Variants in NUBPL observed in about 807,000 individuals in gnomAD.
The protein encoded by NUBPL is iron-sulfur cluster transfer protein NUBPL.
NUBPL carries 31 observed loss-of-function variants against 45.7 expected under a neutral mutation model. That is an observed-to-expected ratio of 0.68 (90% CI 0.51 to 0.92). The LOEUF is 0.92. Ranked by LOEUF, NUBPL falls within the 40% of genes least tolerant of loss-of-function variation. The probability of loss-of-function intolerance (pLI) is 0.00; values close to 1 mark genes in which losing one functional copy is unlikely to be tolerated. For missense variants in NUBPL, 401 were observed against 398.7 expected (o/e 1.01, Z -0.05); for synonymous variants, 144 against 140.9 (o/e 1.02, Z -0.15).
chr14:31,639,569 T>C (rs1190546118), intron 4 of NUBPL, among the ~76,000 whole-genome samples: 8 of 152,188 alleles, frequency 5.3e-5, no homozygotes, highest in Non-Finnish European at 1.5e-5. Context: ...TGCCCGTTCT[T>C]AGATCTCCAG....
intron 8 of NUBPL, among the ~76,000 whole-genome samples, chr14:31,843,101 T>C (rs752403595): frequency 1.6e-4 from 24 of 152,210 alleles, no homozygotes; most frequent in Non-Finnish European, 2.6e-4. Context: ...CATCGTTCTC[T>C]GTATTGTTCA....
At chr14:31,792,213 T>G (rs2039395283) in intron 7 of NUBPL, among the ~76,000 whole-genome samples, 1 of 152,204 alleles carries the variant, frequency 6.6e-6, no homozygotes, top group African/African-American at 2.4e-5. Flanking sequence ...GTTGAAATTA[T>G]TCTAATCTAG....
intron 4 of NUBPL, among the ~76,000 whole-genome samples, chr14:31,608,803 G>A (rs1595362793): frequency 6.6e-6 from 1 of 152,298 alleles, no homozygotes; most frequent in African/African-American, 2.4e-5. Context: ...CTCACCTCCT[G>A]CTGTGTGGCC....
At chr14:31,619,660 G>T (rs929173765) in intron 4 of NUBPL, among the ~76,000 whole-genome samples, 2 of 152,188 alleles carry the variant, frequency 1.3e-5, no homozygotes, top group African/African-American at 4.8e-5. Flanking sequence ...TCCGCTGTTA[G>T]TCTGATTGGC....
chr14:31,632,276 C>A (rs1175645579), intron 4 of NUBPL, among the ~76,000 whole-genome samples: 1 of 152,076 alleles, frequency 6.6e-6, no homozygotes, highest in African/African-American at 2.4e-5. Flanking sequence ...GTATCCAAAT[C>A]TGAGAGAGAG....
chr14:31,798,302 G>GTT (rs1566566926), intron 7 of NUBPL, among the ~76,000 whole-genome samples: 6 of 98,730 alleles, frequency 6.1e-5, no homozygotes, highest in African/African-American at 1.1e-4. Flanking sequence ...ATTTATTTAT[G>GTT]GTTTTTTTTT....
chr14:31,839,814 A>G (rs2040339979), intron 8 of NUBPL, among the ~76,000 whole-genome samples: 1 of 152,230 alleles, frequency 6.6e-6, no homozygotes, highest in Non-Finnish European at 1.5e-5. Flanking sequence ...GAGAAGACAT[A>G]CAAATGGCCA....
At chr14:31,743,276 T>A (rs1201336215) in intron 6 of NUBPL, among the ~76,000 whole-genome samples, 1 of 152,228 alleles carries the variant, frequency 6.6e-6, no homozygotes, top group South Asian at 2.1e-4. Context: ...TCTCCATTTC[T>A]TTAGCTAGGT....
At chr14:31,760,144 T>TGTGTGTGTGTGAGTGTGAGA in intron 6 of NUBPL, among the ~76,000 whole-genome samples, 1 of 34,830 alleles carries the variant, frequency 2.9e-5, no homozygotes, top group Non-Finnish European at 5.4e-5. Context: ...TGTGTGTGTG[T>TGTGTGTGTGTGAGTGTGAGA]GAGAGAGAGA....
At chr14:31,682,176 T>G (rs1384004206) in intron 6 of NUBPL, among the ~76,000 whole-genome samples, 1 of 152,138 alleles carries the variant, frequency 6.6e-6, no homozygotes, top group Non-Finnish European at 1.5e-5. Context: ...TCTATTTCAA[T>G]TTTTACTTAA....
chr14:31,669,809 G>GTTTTTTTTTTTTTTTTTTT (rs35705230), intron 4 of NUBPL, among the ~76,000 whole-genome samples: 3 of 51,556 alleles, frequency 5.8e-5, no homozygotes, highest in Non-Finnish European at 6.3e-5. Flanking sequence ...TTTTTTTTTT[G>GTTTTTTTTTTTTTTTTTTT]TTTTTTTTTT....
chr14:31,821,860 A>G (rs1490527600), intron 7 of NUBPL, among the ~76,000 whole-genome samples: 1 of 152,262 alleles, frequency 6.6e-6, no homozygotes, highest in Non-Finnish European at 1.5e-5. Context: ...AGCTTTGAAA[A>G]GAATGAGATC....
chr14:31,742,585 G>C (rs1392990232), intron 6 of NUBPL, among the ~76,000 whole-genome samples: 2 of 152,078 alleles, frequency 1.3e-5, no homozygotes, highest in African/African-American at 4.8e-5. Context: ...ATTGACCTGT[G>C]CCATAATCCT....
rs2034603157 is a variant in NUBPL at position 31,606,499 on chromosome 14, G to A, written c.382+7120G>A. On this transcript the variant is annotated intron_variant, in intron 4 of 10. Coordinates refer to ENST00000281081, the MANE Select transcript of NUBPL (RefSeq NM_025152.3). The stretch of plus-strand genomic sequence containing the variant: ...TTCCTTCCAGAGAAGAGATCTAGGG[G>A]TGTTGCTGAAGGTGTTAACATGCAA... Among the ~76,000 whole-genome samples, 2 of 152,140 alleles carry A rather than the reference G, an allele frequency of 1.3e-5. 1 individual carries two copies. Among genetic ancestry groups the A allele is most frequent in the Admixed American group, 1.3e-4 (2 of 15,280 alleles).
intron 7 of NUBPL, among the ~76,000 whole-genome samples, chr14:31,810,566 T>C (rs1378565238): frequency 6.6e-6 from 1 of 152,200 alleles, no homozygotes; most frequent in African/African-American, 2.4e-5. Context: ...CTTGACTCTT[T>C]GTCCAGTTTG....
chr14:31,831,616 G>A (rs878887784), intron 8 of NUBPL, among the ~76,000 whole-genome samples: 2 of 152,062 alleles, frequency 1.3e-5, no homozygotes, highest in African/African-American at 4.8e-5. Context: ...GAGTGGAGTA[G>A]GATTTTCATA....
At chr14:31,572,839 A>G (rs758325426) in intron 3 of NUBPL, among the ~76,000 whole-genome samples, 1 of 152,158 alleles carries the variant, frequency 6.6e-6, no homozygotes, top group South Asian at 2.1e-4. Flanking sequence ...GGTATAACCT[A>G]TTTGTCCTAG....
At chr14:31,648,895 G>A (rs146629785) in intron 4 of NUBPL, among the ~76,000 whole-genome samples, 7,168 of 152,248 alleles carry the variant, frequency 0.047, 211 homozygotes, top group Admixed American at 0.066. Flanking sequence ...TGCAACCTCC[G>A]CCTCCCGGGT....
chr14:31,710,201 G>T (rs1287963124), intron 6 of NUBPL, among the ~76,000 whole-genome samples: 6 of 152,116 alleles, frequency 3.9e-5, no homozygotes, highest in Non-Finnish European at 8.8e-5. Context: ...TGCATTTCAA[G>T]GGTGAGCCTG....
Sources: allele counts gnomAD v4.1 joint callset (sites outside exome capture counted in the v4.1 genomes callset), GRCh38; gene constraint gnomAD v4.1.1; transcripts MANE v1.5; gene names NCBI Gene and HGNC (gene_info 2026-07-23, HGNC 2026-07-21).